Variants in SFT2D1 observed in about 807,000 individuals in gnomAD.
The protein encoded by SFT2D1 is vesicle transport protein SFT2A.
SFT2D1 carries 24 observed loss-of-function variants against 28.1 expected under a neutral mutation model. The ratio of observed to expected loss-of-function variants is 0.85; its 90% CI spans 0.62 to 1.20. The LOEUF (loss-of-function observed/expected upper bound fraction) is 1.20. SFT2D1 is among the 50% of genes most tolerant of loss of function. SFT2D1 has a pLI of 0.00. For missense variants in SFT2D1, 181 were observed against 190.9 expected (o/e 0.95, Z 0.31); for synonymous variants, 82 against 73.7 (o/e 1.11, Z -0.58).
intron 6 of SFT2D1, chr6:166,324,297 G>T: frequency 2.5e-6 from 1 of 403,712 alleles, no homozygotes; most frequent in Non-Finnish European, 4.4e-6. Context: ...TTAGAAAAAA[G>T]CAGAACATAT....
chr6:166,342,285 C>T, intron 1 of SFT2D1, 134 bp downstream of exon 1: 6 of 729,186 alleles, frequency 8.2e-6, no homozygotes, highest in Non-Finnish European at 1.3e-5. Flanking sequence ...AGGCGGAGCC[C>T]TCCTAAATCA....
intron 1 of SFT2D1, among the ~76,000 whole-genome samples, chr6:166,337,614 C>T (rs1238494211): frequency 6.6e-6 from 1 of 152,052 alleles, no homozygotes; most frequent in East Asian, 1.9e-4. Flanking sequence ...ACCATGGGAA[C>T]AGTGAGGGAA....
At chr6:166,327,368 A>G (rs1383920571) in intron 4 of SFT2D1, among the ~76,000 whole-genome samples, 2 of 152,190 alleles carry the variant, frequency 1.3e-5, no homozygotes, top group Admixed American at 6.5e-5. Context: ...ATGAGAATGG[A>G]AACAACCTTA....
chr6:166,337,312 T>C (rs1472082532), intron 1 of SFT2D1, among the ~76,000 whole-genome samples: 1 of 152,148 alleles, frequency 6.6e-6, no homozygotes, highest in Non-Finnish European at 1.5e-5. Flanking sequence ...GCTTCAGCCC[T>C]CCCCTGGCTG....
intron 1 of SFT2D1, among the ~76,000 whole-genome samples, chr6:166,333,297 G>A (rs946270189): frequency 2.6e-5 from 4 of 152,184 alleles, no homozygotes; most frequent in African/African-American, 9.7e-5. Context: ...GCAGCATGCG[G>A]CACGGGTTCC....
At chr6:166,320,347 A>C in intron 7 of SFT2D1, 91 bp from the exon 8 acceptor site, 1 of 977,704 alleles carries the variant, frequency 1.0e-6, no homozygotes, top group South Asian at 1.4e-5. Context: ...CTTTTTTAAC[A>C]GAACTCAATG....
At chr6:166,335,335 C>A (rs377436372) in intron 1 of SFT2D1, 12 of 577,464 alleles carry the variant, frequency 2.1e-5, no homozygotes, top group African/African-American at 2.0e-4. Flanking sequence ...ATGATGGAAT[C>A]AATTCTGGAG....
chr6:166,324,661 C>T (rs893186226), intron 5 of SFT2D1, 66 bp from the exon 6 acceptor site: 2 of 1,445,128 alleles, frequency 1.4e-6, no homozygotes, highest in African/African-American at 2.8e-5. Context: ...CTCAATCAAA[C>T]TTAATTCTTG....
chr6:166,332,397 G>A (rs1778568061), intron 1 of SFT2D1, among the ~76,000 whole-genome samples: 1 of 152,174 alleles, frequency 6.6e-6, no homozygotes, highest in South Asian at 2.1e-4. Flanking sequence ...TGGGACTACA[G>A]GTCCACGCCA....
chr6:166,335,902 C>A lies in SFT2D1; in HGVS notation c.64-5655G>T, dbSNP rs543236865. 1.6e-3 allele frequency among the ~76,000 whole-genome samples: 239 copies of A among 152,334 alleles called. 2 individuals are homozygous for A. Among genetic ancestry groups the A allele is most frequent in the African/African-American group, 5.6e-3 (232 of 41,570 alleles). On this transcript the variant is annotated intron_variant, in intron 1 of 7. Coordinates refer to ENST00000361731, the MANE Select transcript of SFT2D1 (RefSeq NM_145169.3). ...CAAAGAAGATATGTTTTAGACAATA[C>A]TCACGTGTATGAGCAAAAAACTCCA...
At chr6:166,334,854 C>G (rs9459655) in intron 1 of SFT2D1, 22,269 of 424,690 alleles carry the variant, frequency 0.052, 766 homozygotes, top group South Asian at 0.088. Flanking sequence ...AGGGCTGTCT[C>G]GAGAAGATTC....
rs1490652599 is a variant in SFT2D1, at chr6:166,324,565, A to G, written c.382T>C (p.Cys128Arg). 6.2e-7 allele frequency: 1 copy of G among 1,612,978 alleles called. No individual in the cohort carries two copies. The highest frequency in any genetic ancestry group is 2.2e-5 in the East Asian group (1 of 44,836). Residue 128 changes from cysteine (C) to arginine (R), a missense_variant, in exon 6 of 8, where the codon TGC becomes CGC. Transcript: ENST00000361731. ...WHKKGLAVLF[C>R]ILQFLSMTWY... ...GTCATTGACAAGAACTGCAATATGC[A>G]GAATAACACAGCCAGTCCCTTCTTA...
intron 6 of SFT2D1, 131 bp from the exon 7 acceptor site, chr6:166,323,017 C>T (rs1373454711): frequency 1.3e-5 from 9 of 667,668 alleles, no homozygotes; most frequent in South Asian, 4.3e-5. Context: ...AGTGTGACCC[C>T]GACCAGCAGT....
intron 1 of SFT2D1, among the ~76,000 whole-genome samples, chr6:166,330,852 C>T (rs1338845581): frequency 2.6e-5 from 4 of 152,208 alleles, no homozygotes; most frequent in African/African-American, 9.7e-5. Flanking sequence ...GGGTAGAGGA[C>T]GCTGGCCACC....
intron 1 of SFT2D1, among the ~76,000 whole-genome samples, chr6:166,336,572 G>A (rs191771770): frequency 1.4e-4 from 22 of 152,234 alleles, no homozygotes; most frequent in East Asian, 1.2e-3. Context: ...CAGATTCGGC[G>A]TCTGGTGAGG....
At chr6:166,330,959 T>C (rs1403271206) in intron 1 of SFT2D1, among the ~76,000 whole-genome samples, 1 of 152,206 alleles carries the variant, frequency 6.6e-6, no homozygotes, top group East Asian at 1.9e-4. Context: ...ATGAAAGTTT[T>C]GGGCCCCTCC....
intron 4 of SFT2D1, among the ~76,000 whole-genome samples, chr6:166,326,395 A>C (rs1224892313): frequency 1.3e-5 from 2 of 152,262 alleles, no homozygotes; most frequent in African/African-American, 2.4e-5. Context: ...TAATCTGTTA[A>C]GTAAACTGAA....
intron 1 of SFT2D1, chr6:166,334,946 C>T (rs764890505): frequency 6.5e-6 from 3 of 462,218 alleles, no homozygotes; most frequent in Non-Finnish European, 1.2e-5. Flanking sequence ...CCTAAGAGAT[C>T]TTGAACAGTA....
intron 1 of SFT2D1, among the ~76,000 whole-genome samples, chr6:166,336,603 C>T (rs997292253): frequency 3.3e-5 from 5 of 152,188 alleles, no homozygotes; most frequent in African/African-American, 1.2e-4. Flanking sequence ...TCACAGATGA[C>T]ACCTTCTGAG....
Sources: gnomAD v4.1 joint callset for allele counts (sites outside exome capture counted in the v4.1 genomes callset) on GRCh38, gnomAD v4.1.1 for gene constraint, MANE v1.5 for transcripts, NCBI Gene and HGNC (gene_info 2026-07-23, HGNC 2026-07-21) for gene names.